The following IFI35 variants were observed in gnomAD, a reference collection of about 807,000 sequenced individuals.
IFI35 encodes the protein interferon-induced 35 kDa protein.
Under a neutral mutation model 28.6 loss-of-function variants are expected in IFI35, and 30 were observed. The ratio of observed to expected loss-of-function variants is 1.05; its 90% CI spans 0.79 to 1.43. IFI35 has a LOEUF of 1.43. Ranked by LOEUF, IFI35 falls within the 40% of genes most tolerant of loss-of-function variation. IFI35 has a pLI of 0.00. For missense variants in IFI35, 372 were observed against 356.9 expected (o/e 1.04, Z -0.34); for synonymous variants, 146 against 154.8 (o/e 0.94, Z 0.42).
At chr17:43,008,787 T>G (rs1373829622) in intron 1 of IFI35, among the ~76,000 whole-genome samples, 1 of 152,016 alleles carries the variant, frequency 6.6e-6, no homozygotes, top group East Asian at 1.9e-4. Flanking sequence ...CCTCCCAAAG[T>G]GCTGGGATTA....
rs749011342 is a variant in IFI35, at chr17:43,013,460, T to C, written c.376-16T>C. The C allele has an allele frequency of 1.3e-5, 21 of 1,613,566 alleles. No individual in the cohort carries two copies. Among genetic ancestry groups the C allele is most frequent in the East Asian group, 8.9e-5 (4 of 44,868 alleles). Reference sequence around the variant, plus strand: ...TGGAGCTGTGTCTGGGACCACCCCTTGCTGTCTCCCCCTAGATGTCCAGCC... The same window carrying C: ...TGGAGCTGTGTCTGGGACCACCCCTCGCTGTCTCCCCCTAGATGTCCAGCC... On this transcript the variant is annotated splice_polypyrimidine_tract_variant and intron_variant, in intron 4 of 6. Transcript: ENST00000415816.
chr17:43,014,154 C>G lies in IFI35; in HGVS notation c.716C>G (p.Pro239Arg), dbSNP rs765602573. 10 of 1,614,136 alleles carry G rather than the reference C, an allele frequency of 6.2e-6. No homozygotes were observed. In the East Asian group the frequency reaches 2.0e-4, roughly 32 times the overall value. ...VPRSVLVLNIPDILDGPELHD... is the reference protein window; with the variant it reads ...VPRSVLVLNIRDILDGPELHD... ...CGCTCGGTACTGGTGCTCAACATTCCTGATATCTTGGATGGCCCGGAGCTG... is the reference window on the plus strand; with the variant it reads ...CGCTCGGTACTGGTGCTCAACATTCGTGATATCTTGGATGGCCCGGAGCTG... Residue 239 changes from proline to arginine, a missense_variant, in exon 7 of 7, where the codon CCT becomes CGT. Physicochemically the swap from Pro to Arg is moderately radical, Grantham distance 103. Coordinates refer to ENST00000415816, the MANE Select transcript of IFI35 (RefSeq NM_001330230.2).
Position 43,014,221 on chromosome 17 carries a change from G to A in IFI35, c.783G>A (p.Gly261=), listed in dbSNP as rs1477773927. 6.2e-7 allele frequency: 1 copy of A among 1,613,042 alleles called. No individual in the cohort carries two copies. Among genetic ancestry groups the A allele is most frequent in the East Asian group, 2.2e-5 (1 of 44,870 alleles). ...TCCACTTCCAGAAGCCCACCCGCGG[G>A]GGCGGGGAGGTAGAGGCCCTGACAG... ...LEIHFQKPTR[G]GGEVEALTVV... Residue 261 remains glycine, a synonymous_variant, in exon 7 of 7, where the codon GGG becomes GGA. Coordinates refer to ENST00000415816, the MANE Select transcript of IFI35 (RefSeq NM_001330230.2).
chr17:43,011,881 C>G (rs984911462), intron 1 of IFI35, among the ~76,000 whole-genome samples: 1 of 152,146 alleles, frequency 6.6e-6, no homozygotes, highest in East Asian at 1.9e-4. Flanking sequence ...GTGTCAGTGC[C>G]GAGCACTTTC....
chr17:43,012,120 G>C, intron 1 of IFI35, 59 bp from the exon 2 acceptor site: 1 of 1,287,418 alleles, frequency 7.8e-7, no homozygotes, highest in Non-Finnish European at 1.1e-6. Context: ...CTTCCCCTGG[G>C]CTTGTTGATT....
At chr17:43,011,753 C>T (rs1011337059) in intron 1 of IFI35, among the ~76,000 whole-genome samples, 6 of 152,140 alleles carry the variant, frequency 3.9e-5, no homozygotes, top group Admixed American at 3.9e-4. Context: ...TTGGGTTAAC[C>T]CCTTTGGGAT....
chr17:43,007,233 C>T (rs757211172), intron 1 of IFI35, among the ~76,000 whole-genome samples: 32 of 152,308 alleles, frequency 2.1e-4, no homozygotes, highest in Non-Finnish European at 3.8e-4. Flanking sequence ...AGATACTCAG[C>T]GGGTTCTGTG....
At chr17:43,008,722 A>G (rs953230717) in intron 1 of IFI35, among the ~76,000 whole-genome samples, 5 of 151,494 alleles carry the variant, frequency 3.3e-5, no homozygotes, top group South Asian at 2.1e-4. Context: ...ATGGGGTTGC[A>G]CTGTGTTAGG....
intron 2 of IFI35, chr17:43,012,479 G>A (rs191828022): frequency 2.3e-4 from 88 of 382,226 alleles, no homozygotes; most frequent in African/African-American, 1.7e-3. Flanking sequence ...AGTGGCTCAC[G>A]CCTGTAATCC....
At chr17:43,007,720 G>A (rs1298067182) in intron 1 of IFI35, among the ~76,000 whole-genome samples, 1 of 149,918 alleles carries the variant, frequency 6.7e-6, no homozygotes. Context: ...CAGCTACTAG[G>A]GAGACTGAGG....
intron 1 of IFI35, among the ~76,000 whole-genome samples, chr17:43,008,038 T>TC (rs1441124842): frequency 6.9e-6 from 1 of 144,780 alleles, no homozygotes; most frequent in Non-Finnish European, 1.5e-5. Context: ...CAATCCCTTT[T>TC]TTTTTTTTTT....
rs776692577 is a variant in IFI35 at position 43,013,770 on chromosome 17, C to G, written c.563-6C>G. 2.5e-6 allele frequency: 4 copies of G among 1,613,164 alleles called. No homozygotes were observed. Among genetic ancestry groups the G allele is most frequent in the African/African-American group, 1.3e-5 (1 of 74,868 alleles). ...CTAAAGGCCCACCCCTCCTTGCTCC[C>G]CACAGTGGCTCAGCGTCTGTGCCAA... On this transcript the variant is annotated splice_region_variant and splice_polypyrimidine_tract_variant and intron_variant, in intron 5 of 6. Transcript: ENST00000415816.
Position 43,013,504 on chromosome 17 carries a change from T to C in IFI35, c.404T>C (p.Val135Ala). The change falls in exon 5 of 7, where the codon GTG (valine) becomes GCG (alanine). Residue 135 changes from valine to alanine, a missense_variant. Transcript: ENST00000415816. ...QMSSQLSGRR[V>A]LVTGFPASLR... ...TCCAGCCAGTTGAGTGGCCGGAGGG[T>C]GTTGGTCACTGGATTTCCTGCCAGC... The C allele has an allele frequency of 6.2e-7, 1 of 1,613,802 alleles. No individual in the cohort carries two copies. Among genetic ancestry groups the C allele is most frequent in the Non-Finnish European group, 8.5e-7 (1 of 1,179,902 alleles).
chr17:43,014,059 C>G (rs775486601), intron 6 of IFI35, 49 bp from the exon 7 acceptor site: 1 of 1,582,588 alleles, frequency 6.3e-7, no homozygotes. Flanking sequence ...ACCCCCAGCC[C>G]CCAGCCCTTC....
At chr17:43,010,784 T>C (rs1345664906) in intron 1 of IFI35, among the ~76,000 whole-genome samples, 1 of 152,214 alleles carries the variant, frequency 6.6e-6, no homozygotes, top group East Asian at 1.9e-4. Flanking sequence ...ACCGGACACA[T>C]ATTTTGTGCC....
Position 43,014,335 on chromosome 17 carries a change from A to AGTGTG in IFI35, c.*36_*37insGTGTG. On this transcript the variant is annotated 3_prime_UTR_variant, in exon 7 of 7. Transcript: ENST00000415816. The stretch of plus-strand genomic sequence containing the variant: ...TTCTCATCCTCCCCACCCCCCCGCC[A>AGTGTG]AGGTTCTCACACTGGCCTGGGCTTG... The AGTGTG allele has an allele frequency of 6.8e-7, 1 of 1,469,630 alleles. No individual in the cohort carries two copies. Among genetic ancestry groups the AGTGTG allele is most frequent in the Non-Finnish European group, 9.1e-7 (1 of 1,095,212 alleles). The allele number at this position is 1,469,630 out of a possible 1,614,324, so 91.0% of individuals were successfully genotyped here.
chr17:43,007,873 A>ATATATATATATATATATATATATAT (rs199777802), intron 1 of IFI35, among the ~76,000 whole-genome samples: 1 of 134,570 alleles, frequency 7.4e-6, no homozygotes, highest in African/African-American at 2.9e-5. Flanking sequence ...ATATATATAT[A>ATATATATATATATATATATATATAT]CTATAAGAAT....
chr17:43,012,891 G>C, intron 2 of IFI35, 156 bp from the exon 3 acceptor site: 1 of 799,858 alleles, frequency 1.3e-6, no homozygotes, highest in Non-Finnish European at 2.1e-6. Context: ...AAATTGCCCT[G>C]TATGGACCAG....
At chr17:43,011,991 T>C (rs1230260755) in intron 1 of IFI35, 188 bp from the exon 2 acceptor site, 2 of 421,974 alleles carry the variant, frequency 4.7e-6, no homozygotes, top group Non-Finnish European at 8.6e-6. Flanking sequence ...GCAGCTGAGA[T>C]GAGGCCAGCC....
Sources: allele counts gnomAD v4.1 joint callset (sites outside exome capture counted in the v4.1 genomes callset), GRCh38; gene constraint gnomAD v4.1.1; transcripts MANE v1.5; gene names NCBI Gene and HGNC (gene_info 2026-07-23, HGNC 2026-07-21).